The following PDE1C variants were observed in gnomAD, a reference collection of about 807,000 sequenced individuals.
PDE1C encodes the protein phosphodiesterase 1C.
In PDE1C, 62 loss-of-function variants were observed where a neutral mutation model predicts 93.1. The observed-to-expected ratio is 0.67, with a 90% CI of 0.54 to 0.82. The LOEUF is 0.82. Ranked by LOEUF, PDE1C falls within the 40% of genes least tolerant of loss-of-function variation. PDE1C has a pLI of 0.00. For synonymous variants in PDE1C, 325 were observed against 310.1 expected (o/e 1.05, Z -0.50); for missense variants, 742 against 884.6 (o/e 0.84, Z 2.04).
intron 2 of PDE1C, among the ~76,000 whole-genome samples, chr7:32,041,600 C>T (rs1047697465): frequency 1.4e-4 from 22 of 152,198 alleles, no homozygotes; most frequent in South Asian, 1.0e-3. Context: ...TTCTCTTATC[C>T]GATTCTATTT....
intron 3 of PDE1C, among the ~76,000 whole-genome samples, chr7:32,150,917 T>C (rs1801208326): frequency 6.6e-6 from 1 of 152,148 alleles, no homozygotes; most frequent in Non-Finnish European, 1.5e-5. Flanking sequence ...TTCTGTTCTA[T>C]ACCTGAGAAC....
chr7:32,133,805 A>G (rs922559958), intron 3 of PDE1C, among the ~76,000 whole-genome samples: 4 of 152,194 alleles, frequency 2.6e-5, no homozygotes, highest in African/African-American at 9.6e-5. Flanking sequence ...CAACAAGTCA[A>G]TCTTAACCCA....
chr7:31,641,477 GA>G, the PDE1C span, among the ~76,000 whole-genome samples: 5 of 150,994 alleles, frequency 3.3e-5, no homozygotes, highest in African/African-American at 9.7e-5. Context: ...TTAAAGAAGA[GA>G]AAAAAAAATC....
At chr7:32,107,612 G>A (rs1418129364) in intron 3 of PDE1C, among the ~76,000 whole-genome samples, 2 of 151,998 alleles carry the variant, frequency 1.3e-5, no homozygotes, top group African/African-American at 4.8e-5. Context: ...CAAAAACCGA[G>A]TAAATTTATC....
intron 2 of PDE1C, among the ~76,000 whole-genome samples, chr7:32,173,324 A>G (rs939255218): frequency 2.0e-5 from 3 of 152,080 alleles, no homozygotes; most frequent in African/African-American, 7.2e-5. Context: ...GAACACATGG[A>G]CATAGGGAGG....
intron 7 of PDE1C, among the ~76,000 whole-genome samples, chr7:31,853,366 A>G (rs930446816): frequency 6.6e-6 from 1 of 152,228 alleles, no homozygotes. Flanking sequence ...ACAGCTTCAC[A>G]GAGGAGAGAT....
chr7:31,745,399 T>C, the PDE1C span, among the ~76,000 whole-genome samples: 1 of 152,122 alleles, frequency 6.6e-6, no homozygotes, highest in East Asian at 1.9e-4. Context: ...ACGGAGGATA[T>C]AGTATGAAAA....
chr7:32,418,328 T>C (rs1430962180), intron 1 of PDE1C, among the ~76,000 whole-genome samples: 2 of 152,234 alleles, frequency 1.3e-5, no homozygotes, highest in Non-Finnish European at 2.9e-5. Flanking sequence ...ACTCACTAGA[T>C]GTGCAACCTC....
intron 1 of PDE1C, among the ~76,000 whole-genome samples, chr7:32,291,993 T>TC (rs1409099312): frequency 6.6e-6 from 1 of 152,136 alleles, no homozygotes; most frequent in Non-Finnish European, 1.5e-5. Context: ...CCTCTGTGGT[T>TC]CCCCCGCCCT....
chr7:32,234,395 T>C (rs1261617995), intron 1 of PDE1C, among the ~76,000 whole-genome samples: 1 of 151,668 alleles, frequency 6.6e-6, no homozygotes, highest in African/African-American at 2.4e-5. Flanking sequence ...GAAAATATGA[T>C]AGAAAACATA....
intron 1 of PDE1C, among the ~76,000 whole-genome samples, chr7:32,423,069 A>T (rs1375502942): frequency 6.6e-6 from 1 of 152,120 alleles, no homozygotes; most frequent in Non-Finnish European, 1.5e-5. Context: ...GCATCTAGGA[A>T]CTGGTCAGAA....
chr7:31,957,768 G>A (rs2129025871), intron 2 of PDE1C, among the ~76,000 whole-genome samples: 1 of 152,194 alleles, frequency 6.6e-6, no homozygotes, highest in South Asian at 2.1e-4. Flanking sequence ...GGTATTGCTG[G>A]GTGGAATGGG....
chr7:31,715,407 T>C, the PDE1C span, among the ~76,000 whole-genome samples: 1 of 152,132 alleles, frequency 6.6e-6, no homozygotes, highest in Non-Finnish European at 1.5e-5. Flanking sequence ...CCCAGCTAAC[T>C]TTTGTATTTT....
chr7:32,087,474 C>T (rs1026634256), intron 3 of PDE1C, among the ~76,000 whole-genome samples: 29 of 152,168 alleles, frequency 1.9e-4, no homozygotes, highest in African/African-American at 6.0e-4. Context: ...CTAGAAATAC[C>T]ATTTGACCCA....
intron 2 of PDE1C, among the ~76,000 whole-genome samples, chr7:32,027,863 G>A (rs1167072291): frequency 6.6e-6 from 1 of 151,878 alleles, no homozygotes; most frequent in Non-Finnish European, 1.5e-5. Context: ...GATGTAGCAA[G>A]CCTTACACTG....
At chr7:31,736,670 T>C in the PDE1C span, among the ~76,000 whole-genome samples, 1 of 152,248 alleles carries the variant, frequency 6.6e-6, no homozygotes, top group Non-Finnish European at 1.5e-5. Context: ...CAATGTGTTG[T>C]GATCCTTCAT....
At chr7:31,773,523 T>C (rs1795635988) in intron 17 of PDE1C, among the ~76,000 whole-genome samples, 1 of 152,012 alleles carries the variant, frequency 6.6e-6, no homozygotes, top group African/African-American at 2.4e-5. Flanking sequence ...AGCTGATTTC[T>C]TCCTGATACT....
At chr7:32,113,671 T>C (rs1798814757) in intron 3 of PDE1C, among the ~76,000 whole-genome samples, 1 of 152,094 alleles carries the variant, frequency 6.6e-6, no homozygotes, top group Non-Finnish European at 1.5e-5. Flanking sequence ...TGCATCTATA[T>C]TGAGAAATGA....
At chr7:32,370,530 C>G (rs558302179) in intron 1 of PDE1C, among the ~76,000 whole-genome samples, 1 of 150,234 alleles carries the variant, frequency 6.7e-6, no homozygotes, top group South Asian at 2.1e-4. Flanking sequence ...AGCAAACTAT[C>G]ACAAGGACAG....
Sources: gnomAD v4.1 joint callset for allele counts (sites outside exome capture counted in the v4.1 genomes callset) on GRCh38, gnomAD v4.1.1 for gene constraint, MANE v1.5 for transcripts, NCBI Gene and HGNC (gene_info 2026-07-23, HGNC 2026-07-21) for gene names.